The following TLK2 variants were observed in gnomAD, a reference collection of about 807,000 sequenced individuals.
TLK2 encodes tousled like kinase 2.
Under a neutral mutation model 117.3 loss-of-function variants are expected in TLK2, and 6 were observed. The observed-to-expected ratio is 0.05, with a 90% CI of 0.03 to 0.10. The LOEUF is 0.10. Ranked by LOEUF, TLK2 falls within the 10% of genes least tolerant of loss-of-function variation. The pLI, the probability that TLK2 is intolerant of heterozygous loss-of-function variation, is 1.00. For missense variants in TLK2, 299 were observed against 901.2 expected (o/e 0.33, Z 8.56); for synonymous variants, 257 against 316.7 (o/e 0.81, Z 2.00).
chr17:62,613,458 A>G lies in TLK2; in HGVS notation c.*893A>G, dbSNP rs983202898. 4 of 152,534 alleles carry G rather than the reference A, an allele frequency of 2.6e-5. No homozygotes were observed. The highest frequency in any genetic ancestry group is 9.7e-5 in the African/African-American group (4 of 41,410). The allele number at this position is 152,534 out of a possible 1,614,324, so 9.4% of individuals were successfully genotyped here. ...TCCCTTTTAATTTATTTGAAGTGCT[A>G]TTTTTTTAAATAAAGGTTCATCTGT... On this transcript the variant is annotated 3_prime_UTR_variant, in exon 22 of 22. Coordinates refer to ENST00000346027, the MANE Select transcript of TLK2 (RefSeq NM_006852.6).
intron 2 of TLK2, among the ~76,000 whole-genome samples, chr17:62,505,029 A>C (rs1207966563): frequency 6.6e-6 from 1 of 151,940 alleles, no homozygotes; most frequent in Non-Finnish European, 1.5e-5. Context: ...GTCTTGGTAG[A>C]GACAGGGTGT....
chr17:62,480,414 A>G (rs546224195), intron 1 of TLK2, among the ~76,000 whole-genome samples: 3 of 152,326 alleles, frequency 2.0e-5, no homozygotes, highest in East Asian at 3.9e-4. Context: ...CCTGCTTGGA[A>G]GAAGGGCTAA....
chr17:62,559,576 C>G (rs1234654605), intron 9 of TLK2, among the ~76,000 whole-genome samples: 1 of 151,912 alleles, frequency 6.6e-6, no homozygotes, highest in Non-Finnish European at 1.5e-5. Flanking sequence ...TGGGGTTTGA[C>G]CACGCAGGCC....
At chr17:62,574,184 A>G (rs2080556655) in intron 12 of TLK2, among the ~76,000 whole-genome samples, 1 of 152,176 alleles carries the variant, frequency 6.6e-6, no homozygotes. Flanking sequence ...GTATTATATT[A>G]TTGTTAAAAG....
At chr17:62,582,466 TAGTC>T (rs2081290192) in intron 15 of TLK2, among the ~76,000 whole-genome samples, 1 of 152,180 alleles carries the variant, frequency 6.6e-6, no homozygotes, top group African/African-American at 2.4e-5. Flanking sequence ...GGCTAGAGAT[TAGTC>T]AGTGTTGTTA....
chr17:62,476,259 C>T (rs977365405), upstream of TLK2, among the ~76,000 whole-genome samples: 8 of 152,008 alleles, frequency 5.3e-5, 1 homozygote, highest in Admixed American at 3.9e-4. Flanking sequence ...GGATTACAGG[C>T]GTGAGCTACC....
intron 16 of TLK2, among the ~76,000 whole-genome samples, chr17:62,589,778 G>C (rs1473233119): frequency 6.6e-6 from 1 of 152,078 alleles, no homozygotes; most frequent in African/African-American, 2.4e-5. Context: ...ACAGTGATCT[G>C]TTTAGTCCCT....
chr17:62,592,842 G>A (rs766645680), intron 16 of TLK2, among the ~76,000 whole-genome samples: 6 of 152,128 alleles, frequency 3.9e-5, no homozygotes, highest in African/African-American at 1.2e-4. Flanking sequence ...GCAGTTGAAC[G>A]GTCCCATCTG....
chr17:62,540,399 A>ATTTTTTT (rs1567879183), intron 7 of TLK2, among the ~76,000 whole-genome samples: 8 of 13,360 alleles, frequency 6.0e-4, no homozygotes, highest in Admixed American at 1.6e-3. Context: ...ATATGTTCAG[A>ATTTTTTT]ATTTTTTTTT....
Position 62,531,459 on chromosome 17 carries a change from A to G in TLK2, c.364-4711A>G, listed in dbSNP as rs562319993. Among the ~76,000 whole-genome samples the G allele has an allele frequency of 2.4e-3, 368 of 152,348 alleles. 3 individuals carry two copies. The highest frequency in any genetic ancestry group is 4.4e-3 in the Non-Finnish European group (301 of 68,034). On this transcript the variant is annotated intron_variant, in intron 6 of 21. Coordinates refer to ENST00000346027, the MANE Select transcript of TLK2 (RefSeq NM_006852.6). ...TCTTTTATTTTTTAAAATATGGTAG[A>G]CACAATTATTTTATAATCTGTTTGA... is the stretch of plus-strand genomic sequence containing the variant.
In TLK2 at chr17:62,531,605, T is replaced by C. The variant is rs1368609202; in HGVS notation, c.364-4565T>C. Reference sequence around the variant, plus strand: ...TTTAACTGTGTACTCCTCATTGTTCTTGAAAAATTTTTTGGGGGGTTTCTT... The same window carrying C: ...TTTAACTGTGTACTCCTCATTGTTCCTGAAAAATTTTTTGGGGGGTTTCTT... On this transcript the variant is annotated intron_variant, in intron 6 of 21. Transcript: ENST00000346027. Among the ~76,000 whole-genome samples the C allele has an allele frequency of 2.0e-5, 3 of 152,194 alleles. No individual in the cohort carries two copies. In the East Asian group the frequency reaches 5.8e-4, roughly 29 times the overall value.
rs189951802 is a variant in TLK2 at position 62,532,177 on chromosome 17, G to T, written c.364-3993G>T. On this transcript the variant is annotated intron_variant, in intron 6 of 21. Transcript: ENST00000346027. ...TCTTCAGTGCTTTTAATGTTTTTTT[G>T]TTGTTGTTGTTGTTGTTGTTCGCCC... Among the ~76,000 whole-genome samples the T allele has an allele frequency of 5.5e-3, 823 of 150,950 alleles. 6 individuals are homozygous for T. Among genetic ancestry groups the T allele is most frequent in the African/African-American group, 0.017 (676 of 40,698 alleles).
chr17:62,608,757 TG>T lies in TLK2; in HGVS notation c.2079+613del, dbSNP rs527385607. 6.8e-4 allele frequency among the ~76,000 whole-genome samples: 104 copies of T among 152,110 alleles called. 1 individual carries two copies. Among genetic ancestry groups the T allele is most frequent in the African/African-American group, 2.4e-3 (101 of 41,486 alleles). On this transcript the variant is annotated intron_variant, in intron 21 of 21. Coordinates refer to ENST00000346027, the MANE Select transcript of TLK2 (RefSeq NM_006852.6). ...ACTACAATTCAAGATGAGATTTGAG[TG>T]GGGACACAGCCAAACCATATCAACA...
chr17:62,502,800 T>G (rs1443596143), intron 2 of TLK2, among the ~76,000 whole-genome samples: 1 of 152,232 alleles, frequency 6.6e-6, no homozygotes, highest in African/African-American at 2.4e-5. Context: ...ATGTGCAATG[T>G]TAAAACATTC....
At chr17:62,573,620 C>T (rs939871532) in intron 12 of TLK2, among the ~76,000 whole-genome samples, 1 of 152,108 alleles carries the variant, frequency 6.6e-6, no homozygotes, top group African/African-American at 2.4e-5. Flanking sequence ...GACTTTTGGC[C>T]ACTCCTGGTT....
chr17:62,544,584 A>AG (rs1188865118), intron 7 of TLK2, among the ~76,000 whole-genome samples: 11 of 152,196 alleles, frequency 7.2e-5, no homozygotes, highest in African/African-American at 2.2e-4. Context: ...TCTTTATGCC[A>AG]GGACCACACT....
At chr17:62,522,600 A>T (rs2076118916) in intron 4 of TLK2, among the ~76,000 whole-genome samples, 1 of 152,210 alleles carries the variant, frequency 6.6e-6, no homozygotes, top group Admixed American at 6.5e-5. Context: ...TAGATCAGTG[A>T]TTTGTTAATG....
chr17:62,601,967 T>A lies in TLK2; in HGVS notation c.1721-75T>A, dbSNP rs1598874920. ...GAGTTTGAGTTCAGTTGTCCCCTTCTTATCTGCTATTACTTTGGGTTTTTC... is the reference window on the plus strand; with the variant it reads ...GAGTTTGAGTTCAGTTGTCCCCTTCATATCTGCTATTACTTTGGGTTTTTC... On this transcript the variant is annotated intron_variant, in intron 18 of 21. Coordinates refer to ENST00000346027, the MANE Select transcript of TLK2 (RefSeq NM_006852.6). The A allele has an allele frequency of 2.2e-6, 3 of 1,368,758 alleles. No homozygotes were observed. In the East Asian group the frequency reaches 7.1e-5, roughly 32 times the overall value. The allele number at this position is 1,368,758 out of a possible 1,614,324, so 84.8% of individuals were successfully genotyped here.
intron 16 of TLK2, among the ~76,000 whole-genome samples, chr17:62,588,009 T>G (rs577529326): frequency 4.1e-4 from 58 of 142,794 alleles, no homozygotes; most frequent in African/African-American, 1.5e-3. Context: ...TACGTATACA[T>G]CTGTATATGT....
Sources: gnomAD v4.1 joint callset for allele counts (sites outside exome capture counted in the v4.1 genomes callset) on GRCh38, gnomAD v4.1.1 for gene constraint, MANE v1.5 for transcripts, NCBI Gene and HGNC (gene_info 2026-07-23, HGNC 2026-07-21) for gene names.